The following SPMIP6 variants were observed in gnomAD, a reference collection of about 807,000 sequenced individuals.
The protein encoded by SPMIP6 is sperm microtubule inner protein 6.
At chr9:34,394,974 T>C in the SPMIP6 span, among the ~76,000 whole-genome samples, 14 of 151,552 alleles carry the variant, frequency 9.2e-5, no homozygotes, top group African/African-American at 3.4e-4. Context: ...TTCTTTTTTT[T>C]TTTTTTTAAG....
the SPMIP6 span, among the ~76,000 whole-genome samples, chr9:34,388,935 T>TTC: frequency 2.2e-5 from 2 of 90,358 alleles, no homozygotes; most frequent in South Asian, 8.3e-4. Flanking sequence ...TCTCTTTCTT[T>TTC]TTTTTTTTTT....
the SPMIP6 span, among the ~76,000 whole-genome samples, chr9:34,396,217 A>G: frequency 1.4e-4 from 21 of 152,252 alleles, no homozygotes; most frequent in East Asian, 4.1e-3. Flanking sequence ...AACAATGGTA[A>G]TTTTAGGTAG....
At chr9:34,379,078 A>C in the SPMIP6 span, 2 of 1,587,812 alleles carry the variant, frequency 1.3e-6, no homozygotes. The surrounding 1 kb of genome is among the most constrained non-coding windows in gnomAD (Gnocchi z 4.2). Flanking sequence ...CCCAGGCTCT[A>C]CCAGCAACGA....
the SPMIP6 span, chr9:34,382,901 G>GT: frequency 3.0e-6 from 4 of 1,345,220 alleles, no homozygotes; most frequent in African/African-American, 5.8e-5. Flanking sequence ...GTCAAATAGT[G>GT]TTACTTCTTA....
the SPMIP6 span, among the ~76,000 whole-genome samples, chr9:34,389,079 A>G: frequency 1.3e-5 from 2 of 151,774 alleles, no homozygotes; most frequent in Non-Finnish European, 1.5e-5. Flanking sequence ...CTACAGGTGC[A>G]CACCACCACA....
the SPMIP6 span, among the ~76,000 whole-genome samples, chr9:34,393,842 GTTGACTCTACTCT>G: frequency 6.6e-6 from 1 of 152,086 alleles, no homozygotes; most frequent in Non-Finnish European, 1.5e-5. Flanking sequence ...TTTCAGCTGT[GTTGACTCTACTCT>G]TTAATCCATC....
At chr9:34,385,421 A>G in the SPMIP6 span, among the ~76,000 whole-genome samples, 2 of 151,084 alleles carry the variant, frequency 1.3e-5, no homozygotes, top group Non-Finnish European at 1.5e-5. Flanking sequence ...AGTCCCAGCT[A>G]CTCAGGAGGC....
At chr9:34,397,483 C>A in the SPMIP6 span, 9 of 1,614,048 alleles carry the variant, frequency 5.6e-6, no homozygotes, top group Non-Finnish European at 5.9e-6. Context: ...CCCCTCCCCA[C>A]CAATCTCCCA....
chr9:34,380,871 G>A, the SPMIP6 span: 1 of 1,500,698 alleles, frequency 6.7e-7, no homozygotes. Flanking sequence ...GTGGAGCCCG[G>A]CTGAGGCGGG....
chr9:34,385,811 A>G, the SPMIP6 span: 1 of 1,601,352 alleles, frequency 6.2e-7, no homozygotes, highest in African/African-American at 1.3e-5. Flanking sequence ...AGAAGTGGTT[A>G]GGGGCACAGA....
chr9:34,397,742 C>A, the SPMIP6 span: 3 of 1,158,988 alleles, frequency 2.6e-6, no homozygotes, highest in Non-Finnish European at 3.6e-6. Flanking sequence ...TGGCAGGTGC[C>A]CTTAGCTGCT....
the SPMIP6 span, chr9:34,381,459 C>A: frequency 6.2e-7 from 1 of 1,614,024 alleles, no homozygotes; most frequent in Admixed American, 1.7e-5. The surrounding 1 kb of genome is among the most constrained non-coding windows in gnomAD (Gnocchi z 4.4). Flanking sequence ...AAGCGGCACA[C>A]ATGCTACCTC....
the SPMIP6 span, among the ~76,000 whole-genome samples, chr9:34,396,423 G>A: frequency 2.0e-5 from 3 of 152,010 alleles, no homozygotes; most frequent in Middle Eastern, 0.01. Flanking sequence ...ACCCCTCGCT[G>A]GCCTTCCTGC....
At chr9:34,380,783 G>C in the SPMIP6 span, 11 of 1,544,868 alleles carry the variant, frequency 7.1e-6, no homozygotes, top group Admixed American at 2.0e-5. Context: ...GCAGCGCGGG[G>C]CTAGAGCAGG....
At chr9:34,397,730 C>G in the SPMIP6 span, 5 of 1,321,756 alleles carry the variant, frequency 3.8e-6, no homozygotes, top group Non-Finnish European at 5.1e-6. Flanking sequence ...ACACCTCCAG[C>G]CTGGCAGGTG....
the SPMIP6 span, chr9:34,381,298 T>A: frequency 1.2e-6 from 2 of 1,606,382 alleles, no homozygotes; most frequent in Non-Finnish European, 1.7e-6. This position sits in a 1 kb window ranked among gnomAD's most constrained non-coding sequence, Gnocchi z 4.4. Flanking sequence ...CAGGTACCCA[T>A]CCCGCCCTCC....
chr9:34,396,342 T>G, the SPMIP6 span, among the ~76,000 whole-genome samples: 8 of 152,296 alleles, frequency 5.3e-5, no homozygotes, highest in South Asian at 1.7e-3. Flanking sequence ...TTCTCTCCTA[T>G]TCAACGAATT....
chr9:34,380,975 C>T, the SPMIP6 span: 1 of 1,608,448 alleles, frequency 6.2e-7, no homozygotes, highest in Middle Eastern at 1.7e-4. Context: ...GTAGTCCATC[C>T]CGCGCAGACA....
At chr9:34,397,700 A>G in the SPMIP6 span, 9 of 1,503,480 alleles carry the variant, frequency 6.0e-6, no homozygotes, top group South Asian at 1.2e-4. Flanking sequence ...ATCAGTGACC[A>G]CCCTTCCCCT....
Sources: gnomAD v4.1 joint callset for allele counts (sites outside exome capture counted in the v4.1 genomes callset) on GRCh38, gnomAD v4.1.1 for gene constraint, Gnocchi (gnomAD v3.1) non-coding constraint, MANE v1.5 for transcripts, NCBI Gene and HGNC (gene_info 2026-07-23, HGNC 2026-07-21) for gene names.